The following MELK variants were observed in gnomAD, a reference collection of about 807,000 sequenced individuals.
MELK encodes the protein maternal embryonic leucine zipper kinase.
A neutral mutation model predicts 85.0 loss-of-function variants in MELK; 81 were observed. The ratio of observed to expected loss-of-function variants is 0.95; its 90% CI spans 0.80 to 1.15. MELK has a LOEUF of 1.15. Ranked by LOEUF, MELK falls within the 50% of genes most tolerant of loss-of-function variation. The pLI is 0.00. For synonymous variants in MELK, 252 were observed against 265.0 expected (o/e 0.95, Z 0.48); for missense variants, 754 against 777.5 (o/e 0.97, Z 0.36).
chr9:36,591,560 C>T (rs1226208621), intron 4 of MELK, among the ~76,000 whole-genome samples: 3 of 151,294 alleles, frequency 2.0e-5, no homozygotes, highest in South Asian at 2.1e-4. Flanking sequence ...GGTGACAGAG[C>T]GAGACTCTGT....
intron 11 of MELK, among the ~76,000 whole-genome samples, chr9:36,650,179 G>T (rs1399585236): frequency 6.6e-6 from 1 of 151,648 alleles, no homozygotes; most frequent in Non-Finnish European, 1.5e-5. Flanking sequence ...TCCTGACCTC[G>T]TGATCCACCC....
chr9:36,642,506 G>T (rs1829853253), intron 10 of MELK, among the ~76,000 whole-genome samples: 1 of 139,534 alleles, frequency 7.2e-6, no homozygotes, highest in African/African-American at 2.7e-5. Flanking sequence ...TCAGCTCACT[G>T]CAGCCTCCGC....
chr9:36,588,708 C>T (rs1391467460), intron 3 of MELK, among the ~76,000 whole-genome samples: 1 of 152,070 alleles, frequency 6.6e-6, no homozygotes, highest in Non-Finnish European at 1.5e-5. Context: ...TGAAGTTTTA[C>T]TTGTTACTTG....
At chr9:36,659,672 C>T (rs946691647) in intron 13 of MELK, among the ~76,000 whole-genome samples, 1 of 152,192 alleles carries the variant, frequency 6.6e-6, no homozygotes, top group African/African-American at 2.4e-5. Flanking sequence ...CTGTGTACAT[C>T]TGGGGTATGC....
intron 3 of MELK, among the ~76,000 whole-genome samples, chr9:36,584,370 T>C (rs1214751984): frequency 6.8e-6 from 1 of 146,288 alleles, no homozygotes; most frequent in African/African-American, 2.5e-5. Flanking sequence ...CAGGCTGGAG[T>C]GCAGTGGCGC....
At chr9:36,616,387 C>CTTTTTTTTTTGTTTTTTTT (rs1826792136) in intron 8 of MELK, among the ~76,000 whole-genome samples, 1 of 114,628 alleles carries the variant, frequency 8.7e-6, no homozygotes, top group Non-Finnish European at 1.8e-5. Context: ...ATGTCAAACT[C>CTTTTTTTTTTGTTTTTTTT]TTTTTTTTTT....
chr9:36,650,109 A>G (rs1480492251), intron 11 of MELK, among the ~76,000 whole-genome samples: 1 of 151,818 alleles, frequency 6.6e-6, no homozygotes. Flanking sequence ...ACGCCCGGCT[A>G]ATTTTTTGTA....
At chr9:36,599,549 G>A in intron 7 of MELK, 63 bp downstream of exon 7, 1 of 1,249,842 alleles carries the variant, frequency 8.0e-7, no homozygotes, top group Non-Finnish European at 1.2e-6. Flanking sequence ...CACCTGTAGT[G>A]AGTCAGGCAC....
At chr9:36,645,717 T>G (rs1269249267) in intron 11 of MELK, among the ~76,000 whole-genome samples, 3 of 152,184 alleles carry the variant, frequency 2.0e-5, no homozygotes, top group Non-Finnish European at 4.4e-5. Context: ...TCAGTTGGTC[T>G]AGGGTATAGC....
intron 17 of MELK, among the ~76,000 whole-genome samples, chr9:36,675,868 A>G (rs973425058): frequency 2.0e-5 from 3 of 152,366 alleles, no homozygotes; most frequent in African/African-American, 7.2e-5. Flanking sequence ...AATAGTCAAT[A>G]TAGAGTAAGA....
Position 36,671,080 on chromosome 9 carries a change from C to T in MELK, c.1588C>T (p.Leu530Phe), listed in dbSNP as rs762292893. Residue 530 changes from leucine (L) to phenylalanine (F), a missense_variant, in exon 16 of 18, where the codon CTT becomes TTT. By Grantham distance (22) the Leu-to-Phe change is conservative (BLOSUM62 0). Coordinates refer to ENST00000298048, the MANE Select transcript of MELK (RefSeq NM_014791.4). ...AAAGGGAGCCAAAGTGTTTGGGAGC[C>T]TTGAAAGGGGGTTGGATAAGGTTAT... Reference protein sequence around the residue: ...KRKGAKVFGSLERGLDKVITV... With the variant: ...KRKGAKVFGSFERGLDKVITV... The T allele has an allele frequency of 6.8e-6, 11 of 1,613,244 alleles. No individual in the cohort carries two copies. Among genetic ancestry groups the T allele is most frequent in the Non-Finnish European group, 8.5e-6 (10 of 1,179,630 alleles).
chr9:36,659,548 A>G (rs2137576138), intron 13 of MELK, among the ~76,000 whole-genome samples: 1 of 152,280 alleles, frequency 6.6e-6, no homozygotes, highest in East Asian at 1.9e-4. Flanking sequence ...AGATTATAAT[A>G]TCATATTTTT....
At chr9:36,591,141 G>A (rs1587352252) in intron 4 of MELK, among the ~76,000 whole-genome samples, 1 of 151,932 alleles carries the variant, frequency 6.6e-6, no homozygotes, top group East Asian at 1.9e-4. Flanking sequence ...TGGATCTAGA[G>A]CTATTGTATA....
At chr9:36,666,123 A>C (rs527435352) in intron 14 of MELK, among the ~76,000 whole-genome samples, 1 of 152,214 alleles carries the variant, frequency 6.6e-6, no homozygotes, top group East Asian at 1.9e-4. Context: ...TTGTCCAGTT[A>C]TCACAACTTC....
intron 1 of MELK, among the ~76,000 whole-genome samples, chr9:36,580,157 T>C (rs905365494): frequency 6.7e-6 from 1 of 150,182 alleles, no homozygotes; most frequent in East Asian, 2.0e-4. Flanking sequence ...GCCTCCCAAG[T>C]AGGTGGAACT....
rs73439118 is a variant in MELK at position 36,635,311 on chromosome 9, G to A, written c.834+2111G>A. ...GGAATCTCGCTATTATCGCCCAGAC[G>A]GGAGTGCAATGGCACGATCTTGGCT... On this transcript the variant is annotated intron_variant, in intron 10 of 17. Transcript: ENST00000298048. 7.0e-3 allele frequency among the ~76,000 whole-genome samples: 1,059 copies of A among 150,980 alleles called. 15 individuals are homozygous for A. The highest frequency in any genetic ancestry group is 0.025 in the African/African-American group (1,025 of 41,052).
chr9:36,638,936 A>T (rs1829477745), intron 10 of MELK, among the ~76,000 whole-genome samples: 1 of 152,190 alleles, frequency 6.6e-6, no homozygotes, highest in Non-Finnish European at 1.5e-5. Flanking sequence ...AATGGAATGG[A>T]TCTGATAGGC....
intron 8 of MELK, among the ~76,000 whole-genome samples, chr9:36,621,337 C>T (rs1272022258): frequency 3.2e-5 from 4 of 123,112 alleles, no homozygotes; most frequent in Non-Finnish European, 5.1e-5. Flanking sequence ...AACAGAACCA[C>T]TCCCTAAGTG....
chr9:36,606,653 A>G (rs2135806611), intron 7 of MELK, among the ~76,000 whole-genome samples: 1 of 141,232 alleles, frequency 7.1e-6, no homozygotes, highest in East Asian at 2.0e-4. Flanking sequence ...ATATGGACAC[A>G]TATGTATATG....
Sources: gnomAD v4.1 joint callset for allele counts (sites outside exome capture counted in the v4.1 genomes callset) on GRCh38, gnomAD v4.1.1 for gene constraint, MANE v1.5 for transcripts, NCBI Gene and HGNC (gene_info 2026-07-23, HGNC 2026-07-21) for gene names.